ITIH5: variants seen among roughly 807,000 people sequenced by gnomAD.
ITIH5 encodes inter-alpha-trypsin inhibitor heavy chain 5.
ITIH5 carries 65 observed loss-of-function variants against 77.5 expected under a neutral mutation model. That is an observed-to-expected ratio of 0.84 (90% CI 0.69 to 1.03). The LOEUF (loss-of-function observed/expected upper bound fraction) is 1.03, where lower values mean the gene tolerates loss of function less well. Ranked by LOEUF, ITIH5 falls within the 50% of genes least tolerant of loss-of-function variation. ITIH5 has a pLI of 0.00. For synonymous variants in ITIH5, 525 were observed against 494.3 expected (o/e 1.06, Z -0.82); for missense variants, 1,208 against 1,213.1 (o/e 1.00, Z 0.06).
intron 7 of ITIH5, among the ~76,000 whole-genome samples, chr10:7,608,338 G>A (rs1833173576): frequency 6.6e-6 from 1 of 152,202 alleles, no homozygotes; most frequent in Non-Finnish European, 1.5e-5. Flanking sequence ...GGAGTGCAAT[G>A]GCGCCATCAT....
At position 7,563,715 on chromosome 10, in the gene ITIH5, C is replaced by A. The variant is rs1217123976; in HGVS notation, c.2528-331G>T. 2.0e-5 allele frequency among the ~76,000 whole-genome samples: 3 copies of A among 152,358 alleles called. No homozygotes were observed. The East Asian group carries it at 5.8e-4, about 29-fold the overall frequency. Reference sequence around the variant, plus strand: ...TATGAAGAGGGAAGTAGTGTTCCATCTTCTCTCTGTCCTCTTCCCAGTCAC... The same window carrying A: ...TATGAAGAGGGAAGTAGTGTTCCATATTCTCTCTGTCCTCTTCCCAGTCAC... On this transcript the variant is annotated intron_variant, in intron 13 of 13. Transcript: ENST00000397146.
chr10:7,633,306 C>T (rs1164511113), intron 5 of ITIH5, among the ~76,000 whole-genome samples: 4 of 152,192 alleles, frequency 2.6e-5, no homozygotes, highest in African/African-American at 4.8e-5. Context: ...TTCCAAAATA[C>T]GTCTCACAGG....
At position 7,578,002 on chromosome 10, in the gene ITIH5, T is replaced by C. The variant is rs73617532; in HGVS notation, c.1419-990A>G. Among the ~76,000 whole-genome samples the C allele has an allele frequency of 4.2e-3, 633 of 152,358 alleles. 8 individuals are homozygous for C. The highest frequency in any genetic ancestry group is 0.015 in the African/African-American group (607 of 41,590). On this transcript the variant is annotated intron_variant, in intron 9 of 13. Transcript: ENST00000397146. ...CAATGGAATATGGGTAGCAGTGAGA[T>C]GTGCAACTTCTCAATATTTGCTTAC...
intron 10 of ITIH5, 62 bp downstream of exon 10, chr10:7,576,388 TGGA>T (rs1209672383): frequency 2.2e-6 from 3 of 1,339,184 alleles, no homozygotes; most frequent in Non-Finnish European, 3.0e-6. Context: ...GGGCTTCCTG[TGGA>T]GGAGGTGAGT....
At position 7,585,935 on chromosome 10, in the gene ITIH5, C is replaced by A. The variant is rs1210258550; in HGVS notation, c.1074G>T (p.Gly358=). The change falls in exon 8 of 14, where the codon GGG becomes GGT. Residue 358 remains glycine, a synonymous_variant. Coordinates refer to ENST00000397146, the MANE Select transcript of ITIH5 (RefSeq NM_030569.7). ...ISVTPDSIRD[G]KVYIHHMSPT... is the part of the protein sequence containing the mutation. Reference sequence around the variant, plus strand: ...GTGACATATGGTGAATGTACACTTTCCCATCCCTGATGCTGTCTGGAGTGA... The same window carrying A: ...GTGACATATGGTGAATGTACACTTTACCATCCCTGATGCTGTCTGGAGTGA... The A allele has an allele frequency of 6.2e-7, 1 of 1,613,836 alleles. No homozygotes were observed. Among genetic ancestry groups the A allele is most frequent in the African/African-American group, 1.3e-5 (1 of 74,862 alleles).
chr10:7,576,629 A>G lies in ITIH5; in HGVS notation c.1802T>C (p.Leu601Pro). 1.2e-6 allele frequency: 2 copies of G among 1,614,182 alleles called. No homozygotes were observed. The highest frequency in any genetic ancestry group is 1.1e-5 in the South Asian group (1 of 91,086). ...AGCCAGGGCCTGGGCCCGCTGCCGC[A>G]GCCGCTCCTTCTCCGGTTCATCGTC... ...QSDDEPEKER[L>P]RQRAQALAVS... is the part of the protein sequence containing the mutation. Residue 601 changes from leucine to proline, a missense_variant, in exon 10 of 14, where the codon CTG (leucine) becomes CCG (proline). Physicochemically the swap from Leu to Pro is moderately conservative, Grantham distance 98. Coordinates refer to ENST00000397146, the MANE Select transcript of ITIH5 (RefSeq NM_030569.7).
intron 1 of ITIH5, among the ~76,000 whole-genome samples, chr10:7,661,972 G>A (rs1328777039): frequency 6.6e-6 from 1 of 152,208 alleles, no homozygotes; most frequent in Non-Finnish European, 1.5e-5. Flanking sequence ...AAACTGCTGG[G>A]ATTACAGGTG....
intron 9 of ITIH5, chr10:7,578,804 G>A (rs1487860632): frequency 2.0e-5 from 3 of 151,960 alleles, no homozygotes; most frequent in African/African-American, 7.3e-5. Context: ...GAACAGCAAA[G>A]GAGCAGACTG....
At chr10:7,603,929 G>C (rs1012772029) in intron 7 of ITIH5, among the ~76,000 whole-genome samples, 2 of 152,142 alleles carry the variant, frequency 1.3e-5, no homozygotes, top group Non-Finnish European at 2.9e-5. Flanking sequence ...CCCTTGGTCT[G>C]CGTGGACTGC....
Position 7,588,159 on chromosome 10 carries a change from G to A in ITIH5, c.940-2090C>T, listed in dbSNP as rs527534908. Among the ~76,000 whole-genome samples, 3 of 152,292 alleles carry A rather than the reference G, an allele frequency of 2.0e-5. No individual in the cohort carries two copies. The East Asian group carries it at 5.8e-4, about 29-fold the overall frequency. On this transcript the variant is annotated intron_variant, in intron 7 of 13. Coordinates refer to ENST00000397146, the MANE Select transcript of ITIH5 (RefSeq NM_030569.7). ...AACACTTTGGGAGGCTGAGGCAGGC[G>A]GATCACTTAAGGTCAGAAGTTAGAG...
At chr10:7,654,114 G>A (rs572994188) in intron 2 of ITIH5, among the ~76,000 whole-genome samples, 27 of 152,222 alleles carry the variant, frequency 1.8e-4, no homozygotes, top group South Asian at 1.0e-3. Flanking sequence ...CTGAGATCAC[G>A]CCACTGCACT....
At chr10:7,579,707 C>T in intron 9 of ITIH5, 48 bp downstream of exon 9, 1 of 1,583,566 alleles carries the variant, frequency 6.3e-7, no homozygotes, top group Non-Finnish European at 8.6e-7. Context: ...GCAGCCACCC[C>T]TCAGCCCCTC....
intron 7 of ITIH5, among the ~76,000 whole-genome samples, chr10:7,590,597 A>G (rs1278792248): frequency 2.6e-5 from 4 of 152,212 alleles, no homozygotes; most frequent in Non-Finnish European, 5.9e-5. Context: ...TTTCATGTCA[A>G]TGGAGAAATG....
At chr10:7,625,053 G>A (rs1487418587) in intron 5 of ITIH5, among the ~76,000 whole-genome samples, 1 of 151,530 alleles carries the variant, frequency 6.6e-6, no homozygotes, top group Non-Finnish European at 1.5e-5. Flanking sequence ...GAGATTGAGA[G>A]ACTTCTGTCA....
intron 7 of ITIH5, chr10:7,609,314 T>C: frequency 2.6e-6 from 1 of 386,452 alleles, no homozygotes; most frequent in East Asian, 7.2e-5. Context: ...GCTGGTAGTT[T>C]GGCAGCAAAT....
intron 7 of ITIH5, among the ~76,000 whole-genome samples, chr10:7,598,556 T>C (rs1832954419): frequency 1.3e-5 from 2 of 152,170 alleles, no homozygotes; most frequent in South Asian, 4.1e-4. Context: ...TATTTTAAAA[T>C]ATATTATTTT....
chr10:7,587,321 T>C (rs1330894490), intron 7 of ITIH5, among the ~76,000 whole-genome samples: 1 of 152,200 alleles, frequency 6.6e-6, no homozygotes, highest in African/African-American at 2.4e-5. Context: ...TAGTAATCCA[T>C]AGACACTGTG....
chr10:7,628,047 G>A (rs1245072818), intron 5 of ITIH5, among the ~76,000 whole-genome samples: 1 of 151,872 alleles, frequency 6.6e-6, no homozygotes, highest in Admixed American at 6.6e-5. Context: ...CGCCATGTTG[G>A]CCAGGCCAGT....
chr10:7,614,784 T>C (rs1228113722), intron 7 of ITIH5, among the ~76,000 whole-genome samples: 4 of 151,980 alleles, frequency 2.6e-5, no homozygotes, highest in Non-Finnish European at 5.9e-5. Flanking sequence ...ATTTATAAAG[T>C]AGTAGATTGA....
Sources: gnomAD v4.1 joint callset for allele counts (sites outside exome capture counted in the v4.1 genomes callset) on GRCh38, gnomAD v4.1.1 for gene constraint, MANE v1.5 for transcripts, NCBI Gene and HGNC (gene_info 2026-07-23, HGNC 2026-07-21) for gene names.